The following SETD3 variants were observed in gnomAD, a reference collection of about 807,000 sequenced individuals.
SETD3 encodes the protein actin-histidine N-methyltransferase.
Under a neutral mutation model 63.0 loss-of-function variants are expected in SETD3, and 19 were observed. The observed-to-expected ratio is 0.30, with a 90% CI of 0.21 to 0.44. SETD3 has a LOEUF of 0.44. SETD3 is among the 20% of genes least tolerant of loss of function. SETD3 has a pLI of 1.00. For missense variants in SETD3, 587 were observed against 728.5 expected (o/e 0.81, Z 2.24); for synonymous variants, 286 against 264.1 (o/e 1.08, Z -0.80).
chr14:99,405,824 T>C (rs1891651311), intron 9 of SETD3, among the ~76,000 whole-genome samples: 1 of 152,260 alleles, frequency 6.6e-6, no homozygotes, highest in African/African-American at 2.4e-5. Context: ...AACTTATTTC[T>C]AGATCCTCTG....
At chr14:99,482,956 A>C (rs1403448696), upstream of SETD3, among the ~76,000 whole-genome samples, 1 of 152,202 alleles carries the variant, frequency 6.6e-6, no homozygotes, top group Admixed American at 6.5e-5. Flanking sequence ...ATTCAAGGTA[A>C]TTGAGGAGAT....
intron 6 of SETD3, among the ~76,000 whole-genome samples, chr14:99,418,802 A>C (rs1310731836): frequency 2.0e-5 from 3 of 152,236 alleles, no homozygotes; most frequent in African/African-American, 7.2e-5. Context: ...CAGAGTGAGG[A>C]GAAATGGGAG....
intron 12 of SETD3, 28 bp downstream of exon 12, chr14:99,400,071 C>G (rs772368620): frequency 3.2e-6 from 5 of 1,573,164 alleles, no homozygotes; most frequent in Non-Finnish European, 3.5e-6. Context: ...ACAACAAGTT[C>G]AAAACCTCAT....
chr14:99,413,413 C>T (rs1286587118), intron 7 of SETD3, among the ~76,000 whole-genome samples: 3 of 152,114 alleles, frequency 2.0e-5, no homozygotes, highest in Non-Finnish European at 2.9e-5. Flanking sequence ...GCTGACTCTG[C>T]ACCTATTTTA....
At chr14:99,401,245 T>C (rs1891373230) in intron 11 of SETD3, among the ~76,000 whole-genome samples, 1 of 152,218 alleles carries the variant, frequency 6.6e-6, no homozygotes, top group African/African-American at 2.4e-5. Context: ...ACATCTCAAT[T>C]ATCTCCAAAT....
intron 6 of SETD3, among the ~76,000 whole-genome samples, chr14:99,442,166 G>A (rs940613143): frequency 7.2e-5 from 11 of 152,184 alleles, no homozygotes; most frequent in Non-Finnish European, 1.2e-4. Context: ...TCCTGGCTGT[G>A]AAACTTCAGG....
At chr14:99,449,427 T>C (rs1399212508) in intron 6 of SETD3, among the ~76,000 whole-genome samples, 3 of 152,236 alleles carry the variant, frequency 2.0e-5, no homozygotes, top group Admixed American at 1.3e-4. Flanking sequence ...ATTCATGTAT[T>C]CCCTGAGAAG....
rs768976741 is a variant in SETD3, at chr14:99,410,279, G to C, written c.849+2672C>G. 6.8e-6 allele frequency: 11 copies of C among 1,611,486 alleles called. No homozygotes were observed. The South Asian group carries it at 7.7e-5, about 11-fold the overall frequency. On this transcript the variant is annotated intron_variant, in intron 8 of 12. Coordinates refer to ENST00000331768, the MANE Select transcript of SETD3 (RefSeq NM_032233.3). ...TGTGCACGGAGGGTGTGGGGGGACA[G>C]GTTGTTCGGAGAGACTTGTCTGCTA...
chr14:99,457,907 T>C (rs1456996372), intron 6 of SETD3, among the ~76,000 whole-genome samples: 1 of 152,226 alleles, frequency 6.6e-6, no homozygotes, highest in Non-Finnish European at 1.5e-5. Flanking sequence ...CTAACATATA[T>C]AGAAAAAAAT....
chr14:99,467,873 A>C (rs1895480143), intron 1 of SETD3, among the ~76,000 whole-genome samples: 1 of 152,108 alleles, frequency 6.6e-6, no homozygotes, highest in Non-Finnish European at 1.5e-5. Flanking sequence ...CCTCCTCCAA[A>C]GTCTTCTCTC....
At chr14:99,477,590 A>G (rs900004612) in intron 1 of SETD3, among the ~76,000 whole-genome samples, 2 of 152,108 alleles carry the variant, frequency 1.3e-5, no homozygotes, top group Admixed American at 6.5e-5. Context: ...CCCTTTCTCT[A>G]TTAAAAATAC....
chr14:99,404,580 A>G (rs1891578796), intron 10 of SETD3, among the ~76,000 whole-genome samples: 2 of 152,172 alleles, frequency 1.3e-5, no homozygotes, highest in African/African-American at 4.8e-5. Flanking sequence ...CAGGTTGCAC[A>G]TAATACATTC....
intron 6 of SETD3, among the ~76,000 whole-genome samples, chr14:99,417,608 C>A (rs888315742): frequency 1.3e-5 from 2 of 152,204 alleles, no homozygotes; most frequent in African/African-American, 4.8e-5. Flanking sequence ...CAGCTGCAGG[C>A]TTATTTTAAG....
At chr14:99,399,259 C>T (rs1326776356) in intron 12 of SETD3, 134 bp from the exon 13 acceptor site, 2 of 650,454 alleles carry the variant, frequency 3.1e-6, no homozygotes, top group East Asian at 2.7e-5. Flanking sequence ...CTTGACTGGG[C>T]AGGTGGTCGC....
At chr14:99,444,865 T>G (rs113908822) in intron 6 of SETD3, among the ~76,000 whole-genome samples, 1 of 151,696 alleles carries the variant, frequency 6.6e-6, no homozygotes, top group African/African-American at 2.4e-5. Flanking sequence ...ATATATGTCA[T>G]GAATATGTAC....
rs1895205384 is a variant in SETD3 at position 99,463,651 on chromosome 14, G to A, written c.104-73C>T. ...AACCTACTAGTCTGCACAAGAAAGA[G>A]GATTTGGACTTTGTTGTTGCTGTTC... On this transcript the variant is annotated intron_variant, in intron 2 of 12. Coordinates refer to ENST00000331768, the MANE Select transcript of SETD3 (RefSeq NM_032233.3). The A allele has an allele frequency of 2.4e-6, 3 of 1,230,724 alleles. No individual in the cohort carries two copies. The South Asian group carries it at 3.9e-5, about 16-fold the overall frequency. 76.2% of individuals were successfully genotyped at this position (1,230,724 alleles called of 1,614,324 possible).
At chr14:99,421,028 C>T (rs1037455546) in intron 6 of SETD3, among the ~76,000 whole-genome samples, 10 of 107,020 alleles carry the variant, frequency 9.3e-5, no homozygotes, top group Admixed American at 1.2e-4. Context: ...GTAAATCTTT[C>T]GTTTCTTTGC....
At chr14:99,435,704 C>T (rs981443374) in intron 6 of SETD3, among the ~76,000 whole-genome samples, 5 of 151,262 alleles carry the variant, frequency 3.3e-5, no homozygotes, top group African/African-American at 9.7e-5. Context: ...TGGCTTCACA[C>T]ACCTGTAGGA....
intron 6 of SETD3, among the ~76,000 whole-genome samples, chr14:99,435,856 A>G (rs1397332480): frequency 2.0e-5 from 3 of 151,918 alleles, no homozygotes; most frequent in Non-Finnish European, 4.4e-5. Flanking sequence ...CAGGGCTCCA[A>G]TGTCTGGTCA....
Sources: allele counts gnomAD v4.1 joint callset (sites outside exome capture counted in the v4.1 genomes callset), GRCh38; gene constraint gnomAD v4.1.1; transcripts MANE v1.5; gene names NCBI Gene and HGNC (gene_info 2026-07-23, HGNC 2026-07-21).